Variants in DAPK1 observed in about 807,000 individuals in gnomAD.
The protein encoded by DAPK1 is death-associated protein kinase 1.
A neutral mutation model predicts 144.9 loss-of-function variants in DAPK1; 56 were observed. The observed-to-expected ratio is 0.39, with a 90% confidence interval of 0.31 to 0.48. The LOEUF (loss-of-function observed/expected upper bound fraction) is 0.48. Among genes scored for constraint, DAPK1 ranks in the 20% least tolerant of loss-of-function variants. The pLI is 0.95. For missense variants in DAPK1, 1,454 were observed against 1,875.4 expected (o/e 0.78, Z 4.15); for synonymous variants, 690 against 749.0 (o/e 0.92, Z 1.29).
At chr9:87,673,368 C>T (rs1457173868) in intron 19 of DAPK1, among the ~76,000 whole-genome samples, 1 of 152,222 alleles carries the variant, frequency 6.6e-6, no homozygotes, top group Non-Finnish European at 1.5e-5. Context: ...TACTTTCTAT[C>T]TACGCTGTCA....
intron 3 of DAPK1, among the ~76,000 whole-genome samples, chr9:87,636,387 G>C (rs1829895453): frequency 1.3e-5 from 2 of 152,208 alleles, no homozygotes. Context: ...CCAGTGGGAG[G>C]CCCTGCAGCA....
At chr9:87,599,599 A>G (rs908929220) in intron 2 of DAPK1, among the ~76,000 whole-genome samples, 3 of 152,234 alleles carry the variant, frequency 2.0e-5, no homozygotes, top group African/African-American at 4.8e-5. Flanking sequence ...GTAGTTAATA[A>G]ATGTTTATTA....
chr9:87,520,062 A>C (rs1465167441), intron 2 of DAPK1, among the ~76,000 whole-genome samples: 1 of 152,150 alleles, frequency 6.6e-6, no homozygotes, highest in Non-Finnish European at 1.5e-5. Flanking sequence ...AGGAAGAAGG[A>C]AGTCTTAATA....
intron 17 of DAPK1, among the ~76,000 whole-genome samples, chr9:87,655,191 T>C (rs1203097029): frequency 6.6e-6 from 1 of 152,190 alleles, no homozygotes; most frequent in African/African-American, 2.4e-5. Flanking sequence ...AGACCCGTAA[T>C]TCAGAGCCCA....
At chr9:87,567,615 C>A (rs1389083029) in intron 2 of DAPK1, among the ~76,000 whole-genome samples, 6 of 152,110 alleles carry the variant, frequency 3.9e-5, no homozygotes, top group Non-Finnish European at 7.3e-5. Flanking sequence ...AATTCAAGAA[C>A]CTATAGCCTC....
At chr9:87,674,135 A>G (rs1824274238) in intron 19 of DAPK1, among the ~76,000 whole-genome samples, 1 of 152,172 alleles carries the variant, frequency 6.6e-6, no homozygotes, top group Non-Finnish European at 1.5e-5. Flanking sequence ...AAGAATTTCA[A>G]GGGGGTTGAG....
chr9:87,599,365 T>C (rs998955431), intron 2 of DAPK1, among the ~76,000 whole-genome samples: 6 of 152,210 alleles, frequency 3.9e-5, no homozygotes, highest in Non-Finnish European at 8.8e-5. Context: ...ATGATCCTGG[T>C]TACAGTTTCT....
At chr9:87,560,566 A>ATATTGTG (rs1826874996) in intron 2 of DAPK1, among the ~76,000 whole-genome samples, 1 of 152,058 alleles carries the variant, frequency 6.6e-6, no homozygotes, top group Non-Finnish European at 1.5e-5. Context: ...GATACCTCAC[A>ATATTGTG]TGAGTAGAAT....
At position 87,658,849 on chromosome 9, in the gene DAPK1, G is replaced by A. The variant is rs554604563; in HGVS notation, c.1923+722G>A. Among the ~76,000 whole-genome samples, 15 of 152,314 alleles carry A rather than the reference G, an allele frequency of 9.8e-5. 1 individual carries two copies. The South Asian group carries it at 2.9e-3, about 29-fold the overall frequency. Reference sequence around the variant, plus strand: ...GTCCAGTCTTTGTGGGACAGTCCTGGACTCACAGATGAGAGCTTTACTGAC... The same window carrying A: ...GTCCAGTCTTTGTGGGACAGTCCTGAACTCACAGATGAGAGCTTTACTGAC... On this transcript the variant is annotated intron_variant, in intron 18 of 25. Transcript: ENST00000408954.
intron 2 of DAPK1, among the ~76,000 whole-genome samples, chr9:87,601,505 TG>T: frequency 6.8e-6 from 1 of 146,752 alleles, no homozygotes; most frequent in South Asian, 2.2e-4. Flanking sequence ...AGCCCTGTCA[TG>T]GGCTTTTTTT....
rs1825710970 is a variant in DAPK1, at chr9:87,708,338, A to C, written c.*974A>C. 1 of 152,666 alleles carries C rather than the reference A, an allele frequency of 6.6e-6. No individual in the cohort carries two copies. The highest frequency in any genetic ancestry group is 1.5e-5 in the Non-Finnish European group (1 of 68,078). The allele number at this position is 152,666 out of a possible 1,614,324, so 9.5% of individuals were successfully genotyped here. ...TGCATAGCAGATGGTTTCCACATTT[A>C]GATCCTGGTTTCATAACTTCCTGTA... On this transcript the variant is annotated 3_prime_UTR_variant, in exon 26 of 26. Coordinates refer to ENST00000408954, the MANE Select transcript of DAPK1 (RefSeq NM_004938.4).
intron 21 of DAPK1, among the ~76,000 whole-genome samples, chr9:87,687,575 T>G (rs1303186164): frequency 6.6e-6 from 1 of 152,254 alleles, no homozygotes; most frequent in Non-Finnish European, 1.5e-5. Flanking sequence ...GTATCTTTGC[T>G]ATTGTGAATA....
chr9:87,706,768 G>A lies in DAPK1; in HGVS notation c.3697G>A (p.Val1233Met), dbSNP rs1727451602. ...CACCACGCTGCCAGGGCTCCTGACC[G>A]TGAAGCATTACCTGAGCCCCCAGCA... ...MATTLPGLLT[V>M]KHYLSPQQLR... Residue 1233 changes from valine to methionine, a missense_variant, in exon 26 of 26, where the codon GTG becomes ATG. Val to Met is a conservative substitution (Grantham distance 21). Coordinates refer to ENST00000408954, the MANE Select transcript of DAPK1 (RefSeq NM_004938.4). The surrounding 1 kb of genome is among the most constrained non-coding windows in gnomAD (Gnocchi z 9.0). The A allele has an allele frequency of 1.9e-6, 3 of 1,613,492 alleles. No homozygotes were observed. Among genetic ancestry groups the A allele is most frequent in the Non-Finnish European group, 2.5e-6 (3 of 1,179,836 alleles).
chr9:87,683,380 C>A (rs1824713904), intron 20 of DAPK1, among the ~76,000 whole-genome samples: 2 of 152,112 alleles, frequency 1.3e-5, no homozygotes, highest in Admixed American at 6.5e-5. Context: ...CGCACCTGGC[C>A]TCCAGTGTGA....
At chr9:87,669,635 T>C (rs1316005958) in intron 19 of DAPK1, among the ~76,000 whole-genome samples, 1 of 152,164 alleles carries the variant, frequency 6.6e-6, no homozygotes. Context: ...GTCCAAAATA[T>C]GCTCCAGATA....
At chr9:87,570,052 C>T (rs36203437) in intron 2 of DAPK1, among the ~76,000 whole-genome samples, 18,061 of 152,150 alleles carry the variant, frequency 0.12, 1,374 homozygotes, top group Admixed American at 0.16. Flanking sequence ...TTTCCTGCAT[C>T]AGATTCTTTT....
chr9:87,545,007 T>TG (rs1198215144), intron 2 of DAPK1, among the ~76,000 whole-genome samples: 1 of 152,188 alleles, frequency 6.6e-6, no homozygotes. Flanking sequence ...TCAGTACTGT[T>TG]GGTGGTTGTC....
chr9:87,515,006 G>C (rs1289666789), intron 2 of DAPK1, among the ~76,000 whole-genome samples: 1 of 152,164 alleles, frequency 6.6e-6, no homozygotes, highest in East Asian at 1.9e-4. Context: ...CAAACTTGGG[G>C]GAGTCCAAAG....
At chr9:87,544,049 G>A (rs1367955258) in intron 2 of DAPK1, among the ~76,000 whole-genome samples, 1 of 152,124 alleles carries the variant, frequency 6.6e-6, no homozygotes, top group African/African-American at 2.4e-5. Flanking sequence ...GAACACACAT[G>A]AATAAGTATA....
Sources: allele counts gnomAD v4.1 joint callset (sites outside exome capture counted in the v4.1 genomes callset), GRCh38; gene constraint gnomAD v4.1.1; non-coding constraint Gnocchi (gnomAD v3.1); transcripts MANE v1.5; gene names NCBI Gene and HGNC (gene_info 2026-07-23, HGNC 2026-07-21).